TOM1L2: variants seen among roughly 807,000 people sequenced by gnomAD.
The protein encoded by TOM1L2 is target of myb1 like 2 membrane trafficking protein.
TOM1L2 carries 31 observed loss-of-function variants against 67.9 expected under a neutral mutation model. The ratio of observed to expected loss-of-function variants is 0.46; its 90% confidence interval spans 0.34 to 0.62. The LOEUF is 0.62. Among genes scored for constraint, TOM1L2 ranks in the 20% least tolerant of loss-of-function variants. TOM1L2 has a pLI of 0.01. For missense variants in TOM1L2, 606 were observed against 663.5 expected (o/e 0.91, Z 0.95); for synonymous variants, 256 against 254.0 (o/e 1.01, Z -0.07).
intron 4 of TOM1L2, among the ~76,000 whole-genome samples, chr17:17,888,511 C>G (rs918488089): frequency 1.3e-5 from 2 of 152,196 alleles, no homozygotes; most frequent in Admixed American, 6.5e-5. Flanking sequence ...GCTTATGCCC[C>G]AGACCAGACT....
chr17:17,855,181 A>G (rs1469682210), intron 12 of TOM1L2, among the ~76,000 whole-genome samples: 1 of 152,212 alleles, frequency 6.6e-6, no homozygotes, highest in Non-Finnish European at 1.5e-5. Context: ...TTGGAACTGC[A>G]GGCAGGGGCA....
At chr17:17,904,197 G>C (rs2038984708) in intron 2 of TOM1L2, among the ~76,000 whole-genome samples, 1 of 152,098 alleles carries the variant, frequency 6.6e-6, no homozygotes, top group African/African-American at 2.4e-5. Context: ...AATCACTGAG[G>C]TGCTCTCACT....
intron 3 of TOM1L2, 28 bp from the exon 4 acceptor site, chr17:17,893,838 C>A: frequency 6.2e-7 from 1 of 1,608,084 alleles, no homozygotes; most frequent in South Asian, 1.1e-5. Flanking sequence ...GGAAAAGGGT[C>A]ACCCCAGTGG....
intron 6 of TOM1L2, among the ~76,000 whole-genome samples, chr17:17,882,102 G>A (rs990396040): frequency 6.6e-6 from 1 of 152,158 alleles, no homozygotes; most frequent in African/African-American, 2.4e-5. Flanking sequence ...GAAGTAACCC[G>A]GGAGGGTGGG....
At chr17:17,922,095 GAAGT>G (rs1290728996) in intron 1 of TOM1L2, among the ~76,000 whole-genome samples, 3 of 152,194 alleles carry the variant, frequency 2.0e-5, no homozygotes, top group African/African-American at 4.8e-5. Flanking sequence ...GGGATGGAAA[GAAGT>G]AAGATGGAGC....
chr17:17,896,985 G>A (rs1238892199), intron 3 of TOM1L2, among the ~76,000 whole-genome samples: 1 of 152,072 alleles, frequency 6.6e-6, no homozygotes, highest in Non-Finnish European at 1.5e-5. Flanking sequence ...CATTTCACAG[G>A]CCTCCCAAAG....
chr17:17,951,760 G>A (rs1344564216), intron 1 of TOM1L2, among the ~76,000 whole-genome samples: 2 of 152,184 alleles, frequency 1.3e-5, no homozygotes, highest in Admixed American at 6.5e-5. Flanking sequence ...TGCTTAGGAA[G>A]GAAGTTAGCC....
chr17:17,869,361 T>A lies in TOM1L2; in HGVS notation c.890A>T (p.Asn297Ile). The change falls in exon 8 of 15, where the codon AAC (asparagine) becomes ATC (isoleucine). Residue 297 changes from asparagine (N) to isoleucine (I), a missense_variant. By Grantham distance (149) the Asn-to-Ile change is moderately radical. Around this residue, in one of 2 missense-constraint regions of TOM1L2, gnomAD observed 543 missense variants for 554.0 expected, o/e 0.98. Transcript: ENST00000379504. The stretch of plus-strand genomic sequence containing the variant: ...CCACCTCTCGTATCGAAGGAAGACG[T>A]TGTTGAGGTCATCGTTCACATGCAG... ...ELLHVNDDLN[N>I]VFLRYERFER... 6.2e-7 allele frequency: 1 copy of A among 1,610,910 alleles called. No individual in the cohort carries two copies. Among genetic ancestry groups the A allele is most frequent in the Non-Finnish European group, 8.5e-7 (1 of 1,179,572 alleles).
chr17:17,873,628 C>A (rs932817078), intron 7 of TOM1L2, among the ~76,000 whole-genome samples: 1 of 152,212 alleles, frequency 6.6e-6, no homozygotes, highest in Non-Finnish European at 1.5e-5. Context: ...TGGAAGGGAG[C>A]AGGGGTTGAT....
intron 1 of TOM1L2, among the ~76,000 whole-genome samples, chr17:17,961,480 C>T (rs2041675053): frequency 6.6e-6 from 1 of 151,842 alleles, no homozygotes; most frequent in South Asian, 2.1e-4. Context: ...GAGACTAAGG[C>T]AGGAGGATTG....
At chr17:17,930,363 A>G (rs1332265396) in intron 1 of TOM1L2, among the ~76,000 whole-genome samples, 1 of 152,168 alleles carries the variant, frequency 6.6e-6, no homozygotes, top group Non-Finnish European at 1.5e-5. Context: ...AGTGGTTAAA[A>G]AAAAGGGGGG....
chr17:17,868,129 T>C (rs1219426223), intron 8 of TOM1L2, among the ~76,000 whole-genome samples: 2 of 152,174 alleles, frequency 1.3e-5, no homozygotes, highest in African/African-American at 4.8e-5. Context: ...CCATTTACCA[T>C]GGAGAAACTG....
intron 1 of TOM1L2, among the ~76,000 whole-genome samples, chr17:17,939,320 T>G (rs1598375774): frequency 6.6e-6 from 1 of 152,238 alleles, no homozygotes; most frequent in East Asian, 1.9e-4. Context: ...GCCCAGCCAC[T>G]GCCCACAGTC....
intron 1 of TOM1L2, among the ~76,000 whole-genome samples, chr17:17,956,993 C>T (rs2041486026): frequency 6.6e-6 from 1 of 152,220 alleles, no homozygotes; most frequent in Non-Finnish European, 1.5e-5. Context: ...CGCCTGAGAG[C>T]GAGCAACGGC....
In TOM1L2 at chr17:17,847,700, G is replaced by A; in HGVS notation, c.1459C>T (p.Pro487Ser). 6.2e-7 allele frequency: 1 copy of A among 1,614,054 alleles called. No individual in the cohort carries two copies. The highest frequency in any genetic ancestry group is 8.5e-7 in the Non-Finnish European group (1 of 1,180,000). The change falls in exon 15 of 15, where the codon CCA (proline) becomes TCA (serine). Residue 487 changes from proline to serine, a missense_variant. Around this residue, in one of 2 missense-constraint regions of TOM1L2, gnomAD observed 543 missense variants for 554.0 expected, o/e 0.98. Coordinates refer to ENST00000379504, the MANE Select transcript of TOM1L2 (RefSeq NM_001082968.2). The stretch of plus-strand genomic sequence containing the variant: ...TTCCGGCCAGAAGGGTTTGAGGCTG[G>A]GGCAGGAGCCTCCATGGGGGGCGAG... ...LPSPPMEAPA[P>S]ASNPSGRKKP...
intron 3 of TOM1L2, among the ~76,000 whole-genome samples, chr17:17,894,398 A>G (rs749074543): frequency 2.0e-5 from 3 of 152,206 alleles, no homozygotes; most frequent in Non-Finnish European, 2.9e-5. Flanking sequence ...TCCATGTTCA[A>G]TTCAGACCCT....
intron 4 of TOM1L2, among the ~76,000 whole-genome samples, chr17:17,892,364 G>C (rs149158661): frequency 6.6e-6 from 1 of 152,184 alleles, no homozygotes; most frequent in Non-Finnish European, 1.5e-5. Context: ...CCCTAGGTTT[G>C]TCTCTCCTCT....
At chr17:17,871,590 G>A (rs2037158637) in intron 7 of TOM1L2, among the ~76,000 whole-genome samples, 1 of 152,196 alleles carries the variant, frequency 6.6e-6, no homozygotes, top group African/African-American at 2.4e-5. Flanking sequence ...AGAATTGCTT[G>A]AATCCGGGAG....
intron 1 of TOM1L2, among the ~76,000 whole-genome samples, chr17:17,943,620 C>T (rs2040823157): frequency 6.6e-6 from 1 of 152,210 alleles, no homozygotes; most frequent in South Asian, 2.1e-4. Context: ...GCAGCCTCCT[C>T]ATTGTTATCA....
Sources: allele counts gnomAD v4.1 joint callset (sites outside exome capture counted in the v4.1 genomes callset), GRCh38; gene constraint gnomAD v4.1.1; regional missense constraint gnomAD v4.1.1; transcripts MANE v1.5; gene names NCBI Gene and HGNC (gene_info 2026-07-23, HGNC 2026-07-21).